Variants in FAM120A observed in about 807,000 individuals in gnomAD.
FAM120A encodes the protein constitutive coactivator of PPAR-gamma-like protein 1.
In FAM120A, 15 loss-of-function variants were observed where a neutral mutation model predicts 109.7. The ratio of observed to expected loss-of-function variants is 0.14; its 90% CI spans 0.09 to 0.21. The LOEUF (loss-of-function observed/expected upper bound fraction) is 0.21. Among genes scored for constraint, FAM120A ranks in the 10% least tolerant of loss-of-function variants. The probability of loss-of-function intolerance (pLI) is 1.00; values close to 1 mark genes in which losing one functional copy is unlikely to be tolerated. For missense variants in FAM120A, 899 were observed against 1,439.3 expected (o/e 0.62, Z 6.07); for synonymous variants, 493 against 572.8 (o/e 0.86, Z 1.99).
chr9:93,451,850 A>ACGGCCCCACCACCCC lies in FAM120A; in HGVS notation c.-58_-44dup, dbSNP rs1357177732. 1.2e-6 allele frequency: 1 copy of ACGGCCCCACCACCCC among 824,108 alleles called. No individual in the cohort carries two copies. Among genetic ancestry groups the ACGGCCCCACCACCCC allele is most frequent in the African/African-American group, 3.0e-5 (1 of 33,234 alleles). The allele number at this position is 824,108 out of a possible 1,614,324, so 51.0% of individuals were successfully genotyped here. ...CCGCCCGCCAGCCCGCCCGCGCGCC[A>ACGGCCCCACCACCCC]CGGCCCCACCACCCCCGGCCCCGCC... On this transcript the variant is annotated 5_prime_UTR_variant, in exon 1 of 18. Coordinates refer to ENST00000277165, the MANE Select transcript of FAM120A (RefSeq NM_014612.5).
In FAM120A at chr9:93,532,828, C is replaced by T. The variant is rs1170318215; in HGVS notation, c.1909+499C>T. Among the ~76,000 whole-genome samples, 1 of 152,176 alleles carries T rather than the reference C, an allele frequency of 6.6e-6. No individual in the cohort carries two copies. Among genetic ancestry groups the T allele is most frequent in the East Asian group, 1.9e-4 (1 of 5,194 alleles). ...GAAGGTCGTGGGACTCACGGATCGT[C>T]GCAGGATTGTGATGATTTGTCTCGG... On this transcript the variant is annotated intron_variant, in intron 10 of 17. Transcript: ENST00000277165. The surrounding 1 kb of genome is among the most constrained non-coding windows in gnomAD (Gnocchi z 4.3).
chr9:93,519,533 G>A lies in FAM120A; in HGVS notation c.1418+3264G>A, dbSNP rs569167057. Among the ~76,000 whole-genome samples the A allele has an allele frequency of 7.9e-5, 12 of 152,148 alleles. No individual in the cohort carries two copies. The South Asian group carries it at 8.3e-4, about 11-fold the overall frequency. On this transcript the variant is annotated intron_variant, in intron 7 of 17. Transcript: ENST00000277165. ...GCTGGGATTACAGGCGTGACCCACC[G>A]TGCCTGGCCAGAAACATTTATAATT...
chr9:93,479,255 C>T (rs1469293482), intron 3 of FAM120A, among the ~76,000 whole-genome samples: 2 of 151,834 alleles, frequency 1.3e-5, no homozygotes, highest in African/African-American at 2.4e-5. Context: ...CCCGCCACTA[C>T]GCCCGGCTAA....
At chr9:93,487,173 G>GT (rs1859097087) in intron 3 of FAM120A, among the ~76,000 whole-genome samples, 3 of 151,826 alleles carry the variant, frequency 2.0e-5, no homozygotes, top group African/African-American at 2.4e-5. Context: ...TTTTGTTTTT[G>GT]TTTTTTGAGA....
intron 5 of FAM120A, among the ~76,000 whole-genome samples, chr9:93,501,568 C>G (rs1859805270): frequency 6.6e-6 from 1 of 152,106 alleles, no homozygotes; most frequent in African/African-American, 2.4e-5. Context: ...CCTGTAAATC[C>G]TCCTGTACAG....
rs138738590 is a variant in FAM120A, at chr9:93,498,762, T to C, written c.934-28T>C. The C allele has an allele frequency of 8.8e-4, 1,179 of 1,345,870 alleles. 9 individuals carry two copies. The African/African-American group carries it at 0.013, about 15-fold the overall frequency. The allele number at this position is 1,345,870 out of a possible 1,614,324, so 83.4% of individuals were successfully genotyped here. ...ACACATGACCAGTGGCACACTAATTTATGAAGGTTTTCCTGCCTTTATTTC... is the reference window on the plus strand; with the variant it reads ...ACACATGACCAGTGGCACACTAATTCATGAAGGTTTTCCTGCCTTTATTTC... On this transcript the variant is annotated intron_variant, in intron 4 of 17. Coordinates refer to ENST00000277165, the MANE Select transcript of FAM120A (RefSeq NM_014612.5). The surrounding 1 kb of genome is among the most constrained non-coding windows in gnomAD (Gnocchi z 4.4).
At chr9:93,539,548 C>T (rs1017488216) in intron 10 of FAM120A, among the ~76,000 whole-genome samples, 2 of 152,182 alleles carry the variant, frequency 1.3e-5, no homozygotes, top group Non-Finnish European at 2.9e-5. Flanking sequence ...TTCAAAACTA[C>T]CAGTACGGAG....
chr9:93,544,203 G>A (rs532924382), intron 11 of FAM120A, among the ~76,000 whole-genome samples: 1 of 152,280 alleles, frequency 6.6e-6, no homozygotes, highest in Non-Finnish European at 1.5e-5. Flanking sequence ...GTCTTAGGTT[G>A]GCCCGTGTGA....
intron 17 of FAM120A, among the ~76,000 whole-genome samples, chr9:93,563,781 G>T (rs1308323149): frequency 6.6e-6 from 1 of 152,220 alleles, no homozygotes; most frequent in East Asian, 1.9e-4. Flanking sequence ...CAGATTTCTT[G>T]TTAAGGTTCC....
Position 93,469,102 on chromosome 9 carries a change from CT to C in FAM120A, c.475-2038del, listed in dbSNP as rs550601024. Among the ~76,000 whole-genome samples the C allele has an allele frequency of 1.4e-4, 21 of 152,360 alleles. No homozygotes were observed. The East Asian group carries it at 3.3e-3, about 24-fold the overall frequency. ...TGGAGGTCCTGCCCAGGGCCAGCCC[CT>C]CCTTTCAGGTCTTGGTTAGAAAGCC... is the stretch of plus-strand genomic sequence containing the variant. On this transcript the variant is annotated intron_variant, in intron 1 of 17. Coordinates refer to ENST00000277165, the MANE Select transcript of FAM120A (RefSeq NM_014612.5).
intron 5 of FAM120A, among the ~76,000 whole-genome samples, chr9:93,514,403 C>T (rs1418678312): frequency 2.6e-5 from 4 of 152,286 alleles, no homozygotes; most frequent in South Asian, 4.1e-4. Flanking sequence ...ATATCTACTG[C>T]TTAAAGAGGG....
chr9:93,466,419 C>T (rs919609355), intron 1 of FAM120A, among the ~76,000 whole-genome samples: 4 of 152,036 alleles, frequency 2.6e-5, no homozygotes, highest in African/African-American at 9.7e-5. Context: ...TGGGTTGGCC[C>T]GTGTGACACA....
At chr9:93,559,198 G>A (rs1380548233) in intron 15 of FAM120A, among the ~76,000 whole-genome samples, 2 of 152,220 alleles carry the variant, frequency 1.3e-5, no homozygotes, top group African/African-American at 4.8e-5. Context: ...GCAGTTTACT[G>A]TAGATTCCCA....
At chr9:93,545,023 CA>C (rs1282127791) in intron 11 of FAM120A, among the ~76,000 whole-genome samples, 1 of 152,200 alleles carries the variant, frequency 6.6e-6, no homozygotes, top group Admixed American at 6.5e-5. Context: ...CAGCTCACTG[CA>C]CCATCATCTG....
intron 3 of FAM120A, among the ~76,000 whole-genome samples, chr9:93,477,244 A>G (rs1032126480): frequency 8.5e-5 from 13 of 152,166 alleles, no homozygotes; most frequent in African/African-American, 1.7e-4. Context: ...TTTTCTTCCT[A>G]CATTTTAATT....
chr9:93,561,632 C>T (rs970050107), intron 16 of FAM120A, among the ~76,000 whole-genome samples: 1 of 152,128 alleles, frequency 6.6e-6, no homozygotes, highest in African/African-American at 2.4e-5. Flanking sequence ...TGAGCTCAAC[C>T]AATCCACCCA....
chr9:93,476,204 C>A (rs1858541878), intron 2 of FAM120A, 52 bp from the exon 3 acceptor site: 1 of 1,268,698 alleles, frequency 7.9e-7, no homozygotes, highest in African/African-American at 1.5e-5. Context: ...TTGAAAGTTT[C>A]CCTATGTTAC....
chr9:93,486,942 T>G (rs920925439), intron 3 of FAM120A, among the ~76,000 whole-genome samples: 4 of 152,200 alleles, frequency 2.6e-5, no homozygotes, highest in Non-Finnish European at 5.9e-5. Flanking sequence ...TCCTTACCAA[T>G]GCTTGTTATT....
At chr9:93,459,886 C>T (rs1015935883) in intron 1 of FAM120A, among the ~76,000 whole-genome samples, 1 of 152,200 alleles carries the variant, frequency 6.6e-6, no homozygotes, top group Non-Finnish European at 1.5e-5. Flanking sequence ...GTAAGGAAAT[C>T]TTGGTATGAG....
Sources: gnomAD v4.1 joint callset for allele counts (sites outside exome capture counted in the v4.1 genomes callset) on GRCh38, gnomAD v4.1.1 for gene constraint, Gnocchi (gnomAD v3.1) non-coding constraint, MANE v1.5 for transcripts, NCBI Gene and HGNC (gene_info 2026-07-23, HGNC 2026-07-21) for gene names.